The following RNGTT variants were observed in gnomAD, a reference collection of about 807,000 sequenced individuals.
RNGTT encodes the protein mRNA-capping enzyme.
In RNGTT, 33 loss-of-function variants were observed where a neutral mutation model predicts 79.3. The ratio of observed to expected loss-of-function variants is 0.42; its 90% CI spans 0.32 to 0.56. The LOEUF (loss-of-function observed/expected upper bound fraction) is 0.56, where lower values mean the gene tolerates loss of function less well. RNGTT is among the 20% of genes least tolerant of loss of function. The pLI is 0.17. For synonymous variants in RNGTT, 222 were observed against 235.9 expected (o/e 0.94, Z 0.54); for missense variants, 497 against 739.1 (o/e 0.67, Z 3.80).
chr6:88,801,186 G>A (rs750644612), intron 12 of RNGTT, among the ~76,000 whole-genome samples: 2 of 152,136 alleles, frequency 1.3e-5, no homozygotes, highest in Non-Finnish European at 2.9e-5. Context: ...TGAAGTTTTA[G>A]AGAGATTAAT....
rs566304788 is a variant in RNGTT, at chr6:88,693,680, G to T, written c.1440-15261C>A. Among the ~76,000 whole-genome samples the T allele has an allele frequency of 2.0e-4, 31 of 152,258 alleles. No homozygotes were observed. In the South Asian group the frequency reaches 6.4e-3, roughly 32 times the overall value. On this transcript the variant is annotated intron_variant, in intron 13 of 15. Transcript: ENST00000369485. The stretch of plus-strand genomic sequence containing the variant: ...AAAACTATGGACCAATATCCTTGAT[G>T]AACGTAAATGCAAAGCTCCTCAATG...
chr6:88,883,919 T>C (rs1407882099), intron 8 of RNGTT, among the ~76,000 whole-genome samples: 1 of 152,202 alleles, frequency 6.6e-6, no homozygotes, highest in Admixed American at 6.5e-5. Flanking sequence ...GAGAGGATGT[T>C]TGACTCCATT....
At chr6:88,936,160 A>C (rs1000104702) in intron 2 of RNGTT, among the ~76,000 whole-genome samples, 9 of 152,124 alleles carry the variant, frequency 5.9e-5, no homozygotes, top group African/African-American at 2.2e-4. Flanking sequence ...TTGAACTCTT[A>C]GCCTAAAGCA....
chr6:88,716,467 G>T (rs1776518366), intron 13 of RNGTT, among the ~76,000 whole-genome samples: 2 of 152,136 alleles, frequency 1.3e-5, no homozygotes, highest in South Asian at 2.1e-4. Flanking sequence ...CCATTACTGG[G>T]TACATACCCA....
At chr6:88,893,875 T>C (rs917740966) in intron 6 of RNGTT, among the ~76,000 whole-genome samples, 9 of 152,174 alleles carry the variant, frequency 5.9e-5, no homozygotes, top group African/African-American at 2.2e-4. Context: ...GCTAACATAA[T>C]TTGCTATTTA....
At chr6:88,747,561 G>C (rs1292205810) in intron 13 of RNGTT, among the ~76,000 whole-genome samples, 1 of 152,202 alleles carries the variant, frequency 6.6e-6, no homozygotes. Context: ...CCATTAATGG[G>C]AGCTTGTGAA....
At chr6:88,943,613 T>C (rs747621909) in intron 1 of RNGTT, among the ~76,000 whole-genome samples, 21 of 151,342 alleles carry the variant, frequency 1.4e-4, no homozygotes, top group East Asian at 7.7e-4. Flanking sequence ...CCTGCCCTCA[T>C]AGTGTTTATA....
intron 11 of RNGTT, 42 bp from the exon 12 acceptor site, chr6:88,801,674 T>C: frequency 7.6e-7 from 1 of 1,308,148 alleles, no homozygotes; most frequent in Non-Finnish European, 1.1e-6. Context: ...AATATAATAA[T>C]CACTTTAAAA....
intron 11 of RNGTT, among the ~76,000 whole-genome samples, chr6:88,836,419 G>T (rs916730704): frequency 6.6e-6 from 1 of 151,700 alleles, no homozygotes; most frequent in Non-Finnish European, 1.5e-5. Flanking sequence ...AACCAAAACC[G>T]CAAAACCCTT....
Position 88,916,898 on chromosome 6 carries a change from C to T in RNGTT, c.368-10458G>A, listed in dbSNP as rs1407037905. Among the ~76,000 whole-genome samples, 3 of 152,180 alleles carry T rather than the reference C, an allele frequency of 2.0e-5. No homozygotes were observed. In the East Asian group the frequency reaches 5.8e-4, roughly 29 times the overall value. ...ACTGTTCTTTGTGTAAGAGCATGTCCTAACTATAAATCCTGCCCAAAGGTA... is the reference window on the plus strand; with the variant it reads ...ACTGTTCTTTGTGTAAGAGCATGTCTTAACTATAAATCCTGCCCAAAGGTA... On this transcript the variant is annotated intron_variant, in intron 4 of 15. Coordinates refer to ENST00000369485, the MANE Select transcript of RNGTT (RefSeq NM_003800.5).
At chr6:88,704,376 C>T (rs531663233) in intron 13 of RNGTT, among the ~76,000 whole-genome samples, 55 of 151,558 alleles carry the variant, frequency 3.6e-4, no homozygotes, top group Non-Finnish European at 7.5e-4. Flanking sequence ...GTAATACCTG[C>T]CCATAACAAG....
intron 8 of RNGTT, among the ~76,000 whole-genome samples, chr6:88,889,558 A>G (rs2127933711): frequency 6.6e-6 from 1 of 152,304 alleles, no homozygotes; most frequent in Non-Finnish European, 1.5e-5. Flanking sequence ...AAGCTAATAT[A>G]TATGTACTGC....
intron 14 of RNGTT, among the ~76,000 whole-genome samples, chr6:88,672,252 T>C (rs1774677797): frequency 2.1e-5 from 3 of 143,200 alleles, no homozygotes; most frequent in Non-Finnish European, 4.4e-5. Context: ...CACACACACA[T>C]ATATACACAC....
intron 13 of RNGTT, among the ~76,000 whole-genome samples, chr6:88,754,834 T>C (rs1777954497): frequency 6.6e-6 from 1 of 152,258 alleles, no homozygotes; most frequent in South Asian, 2.1e-4. Flanking sequence ...CCCTTTATTT[T>C]GGCCCATTCC....
rs1478239466 is a variant in RNGTT, at chr6:88,610,047, C to T, written c.*2672G>A. Among the ~76,000 whole-genome samples the T allele has an allele frequency of 2.0e-5, 3 of 152,160 alleles. No individual in the cohort carries two copies. Among genetic ancestry groups the T allele is most frequent in the Non-Finnish European group, 4.4e-5 (3 of 68,030 alleles). On this transcript the variant is annotated 3_prime_UTR_variant, in exon 16 of 16. Transcript: ENST00000369485. ...CATCATATAAAGATGTGCTTTCTCC[C>T]ATTCCTCTCCACTTCAAAAATAAAA...
At chr6:88,804,727 A>G (rs1779901108) in intron 11 of RNGTT, among the ~76,000 whole-genome samples, 1 of 152,178 alleles carries the variant, frequency 6.6e-6, no homozygotes, top group African/African-American at 2.4e-5. Flanking sequence ...TTAAAAAAAA[A>G]AAGTATCCAA....
intron 14 of RNGTT, among the ~76,000 whole-genome samples, chr6:88,675,560 T>C (rs1017858877): frequency 2.0e-5 from 3 of 151,902 alleles, no homozygotes; most frequent in African/African-American, 7.3e-5. Context: ...GGAAAAGCAA[T>C]AAAAGGCATC....
chr6:88,747,950 C>T (rs1200349700), intron 13 of RNGTT, among the ~76,000 whole-genome samples: 1 of 152,128 alleles, frequency 6.6e-6, no homozygotes, highest in African/African-American at 2.4e-5. Context: ...TCTAGTACCA[C>T]ACAAGGAAGA....
intron 4 of RNGTT, among the ~76,000 whole-genome samples, chr6:88,924,671 G>A (rs1486235705): frequency 6.6e-6 from 1 of 150,704 alleles, no homozygotes; most frequent in Non-Finnish European, 1.5e-5. Context: ...TGTGTCTTTT[G>A]TTGTTGTTGT....
Sources: gnomAD v4.1 joint callset for allele counts (sites outside exome capture counted in the v4.1 genomes callset) on GRCh38, gnomAD v4.1.1 for gene constraint, MANE v1.5 for transcripts, NCBI Gene and HGNC (gene_info 2026-07-23, HGNC 2026-07-21) for gene names.